TPD52: variants seen among roughly 807,000 people sequenced by gnomAD.
The protein encoded by TPD52 is prostate and colon associated protein.
A neutral mutation model predicts 31.3 loss-of-function variants in TPD52; 17 were observed. The observed-to-expected ratio is 0.54, with a 90% CI of 0.37 to 0.82. TPD52 has a LOEUF of 0.82. Ranked by LOEUF, TPD52 falls within the 40% of genes least tolerant of loss-of-function variation. TPD52 has a pLI of 0.00. For synonymous variants in TPD52, 83 were observed against 89.6 expected, an observed-to-expected ratio of 0.93 and a Z score of 0.42; for missense variants, 212 against 240.1, an observed-to-expected ratio of 0.88 and a Z score of 0.77.
chr8:80,053,874 CA>C, intron 2 of TPD52, among the ~76,000 whole-genome samples: 1 of 152,246 alleles, frequency 6.6e-6, no homozygotes, highest in East Asian at 1.9e-4. Flanking sequence ...CATCCCCTAC[CA>C]AAACACACAC....
intron 1 of TPD52, among the ~76,000 whole-genome samples, chr8:80,072,182 C>A (rs1438922938): frequency 6.6e-6 from 1 of 152,168 alleles, no homozygotes; most frequent in Non-Finnish European, 1.5e-5. Context: ...GTGGCGTGCA[C>A]CTGTAGTCCC....
Position 80,042,632 on chromosome 8 carries a change from G to C in TPD52, c.492C>G (p.Val164=). 1 of 1,609,572 alleles carries C rather than the reference G, an allele frequency of 6.2e-7. No individual in the cohort carries two copies. Among genetic ancestry groups the C allele is most frequent in the Non-Finnish European group, 8.5e-7 (1 of 1,177,526 alleles). The change falls in exon 7 of 8, where the codon GTC becomes GTG. Residue 164 remains valine, a synonymous_variant. Transcript: ENST00000518937. The part of the protein sequence containing the change: ...SPTFKSFEEK[V]ENLKSKVGGT... ...TCTCTCTACTTGCCTTTAAGTTTTC[G>C]ACCTTTTCTTCAAATGATTTAAAAG...
At chr8:80,132,312 T>A (rs182289595) in intron 1 of TPD52, among the ~76,000 whole-genome samples, 6 of 152,254 alleles carry the variant, frequency 3.9e-5, no homozygotes, top group Non-Finnish European at 7.4e-5. Flanking sequence ...CAAAGGCTGG[T>A]GGCCCCAGAG....
intron 1 of TPD52, among the ~76,000 whole-genome samples, chr8:80,151,011 G>C (rs535493187): frequency 1.3e-5 from 2 of 152,290 alleles, no homozygotes; most frequent in East Asian, 3.9e-4. Flanking sequence ...ATCTCATCTT[G>C]AATTGTAGCT....
rs747252624 is a variant in TPD52, at chr8:80,038,109, A to G, written c.*7T>C. On this transcript the variant is annotated 3_prime_UTR_variant, in exon 8 of 8. Transcript: ENST00000518937. The stretch of plus-strand genomic sequence containing the variant: ...TGGCAGTGGGTAGCAGAACAAAGGT[A>G]GGAATCTCACAGGCTCTCCTGTGTC... The G allele has an allele frequency of 1.1e-5, 17 of 1,613,718 alleles. No homozygotes were observed. The South Asian group carries it at 1.8e-4, about 17-fold the overall frequency.
At chr8:80,067,654 A>C (rs1813304573) in intron 1 of TPD52, among the ~76,000 whole-genome samples, 1 of 152,104 alleles carries the variant, frequency 6.6e-6, no homozygotes, top group Non-Finnish European at 1.5e-5. Flanking sequence ...TCAGATTTTA[A>C]ACCTAGACGG....
intron 1 of TPD52, among the ~76,000 whole-genome samples, chr8:80,170,660 C>A (rs1563677935): frequency 6.6e-6 from 1 of 151,248 alleles, no homozygotes; most frequent in African/African-American, 2.4e-5. Context: ...CACACATCTG[C>A]GTACAGTCAC....
chr8:80,095,724 T>A (rs1176872235), intron 1 of TPD52, among the ~76,000 whole-genome samples: 1 of 151,916 alleles, frequency 6.6e-6, no homozygotes, highest in African/African-American at 2.4e-5. Flanking sequence ...GGTGGGAGGA[T>A]CATGAGGTCA....
chr8:80,056,626 T>G (rs1811913403), intron 2 of TPD52, among the ~76,000 whole-genome samples: 1 of 152,110 alleles, frequency 6.6e-6, no homozygotes, highest in Non-Finnish European at 1.5e-5. Context: ...ATTAGTAATT[T>G]GAGAAATGCA....
chr8:80,038,066 G>A lies in TPD52; in HGVS notation c.*50C>T. 1.2e-6 allele frequency: 2 copies of A among 1,602,148 alleles called. No individual in the cohort carries two copies. The highest frequency in any genetic ancestry group is 1.7e-6 in the Non-Finnish European group (2 of 1,171,062). On this transcript the variant is annotated 3_prime_UTR_variant, in exon 8 of 8. Transcript: ENST00000518937. ...AATGCATGTTGACAAGATGTGCTTG[G>A]ACCTCGCTTGCAGCATCTGGCAGTG...
intron 5 of TPD52, among the ~76,000 whole-genome samples, chr8:80,047,465 G>A (rs1810978343): frequency 6.6e-6 from 1 of 152,056 alleles, no homozygotes; most frequent in Admixed American, 6.6e-5. Context: ...ATATCACGTT[G>A]AAGCTTTCAA....
intron 1 of TPD52, among the ~76,000 whole-genome samples, chr8:80,077,272 C>A (rs1323952035): frequency 1.7e-5 from 2 of 117,002 alleles, no homozygotes; most frequent in Non-Finnish European, 1.8e-5. Flanking sequence ...AAGACTCTGT[C>A]TCAAAAAAAA....
rs190658659 is a variant in TPD52, at chr8:80,066,636, G to T, written c.20-2043C>A. On this transcript the variant is annotated intron_variant, in intron 1 of 7. Coordinates refer to ENST00000518937, the MANE Select transcript of TPD52 (RefSeq NM_001025253.3). ...TTCAAAGCAAAGTGTGACCCCTGAG[G>T]TTGGCAGGTAGCCCTTACTGGACCC... Among the ~76,000 whole-genome samples the T allele has an allele frequency of 1.1e-4, 17 of 152,262 alleles. 1 individual carries two copies. Among genetic ancestry groups the T allele is most frequent in the African/African-American group, 3.9e-4 (16 of 41,550 alleles).
chr8:80,151,393 A>C (rs1178100730), intron 1 of TPD52, among the ~76,000 whole-genome samples: 3 of 152,222 alleles, frequency 2.0e-5, no homozygotes, highest in Non-Finnish European at 4.4e-5. Context: ...TAGGCTTAAA[A>C]CTTGAAGAAA....
intron 1 of TPD52, among the ~76,000 whole-genome samples, chr8:80,068,312 C>T (rs1412499516): frequency 6.6e-6 from 1 of 152,102 alleles, no homozygotes; most frequent in Non-Finnish European, 1.5e-5. Flanking sequence ...ATACTTGGGT[C>T]TTTCTGTCTC....
chr8:80,101,499 CTGTT>C (rs1220490049), intron 1 of TPD52, among the ~76,000 whole-genome samples: 1 of 145,510 alleles, frequency 6.9e-6, no homozygotes, highest in Non-Finnish European at 1.5e-5. Context: ...CTGTGTTAAT[CTGTT>C]TGCATTATTA....
chr8:80,058,713 G>T (rs529179509), intron 2 of TPD52, among the ~76,000 whole-genome samples: 1 of 152,220 alleles, frequency 6.6e-6, no homozygotes, highest in South Asian at 2.1e-4. Flanking sequence ...CAGGAGAATC[G>T]CTTGAACCTG....
chr8:80,056,477 G>A (rs1454479223), intron 2 of TPD52, among the ~76,000 whole-genome samples: 1 of 152,080 alleles, frequency 6.6e-6, no homozygotes, highest in African/African-American at 2.4e-5. Flanking sequence ...TAAGAGTCTA[G>A]TATCTAGAAC....
intron 1 of TPD52, among the ~76,000 whole-genome samples, chr8:80,142,190 T>A (rs905661892): frequency 1.6e-4 from 25 of 152,194 alleles, no homozygotes; most frequent in Non-Finnish European, 1.0e-4. Flanking sequence ...CAATTAAGGC[T>A]CATATGCCTG....
Sources: gnomAD v4.1 joint callset for allele counts (sites outside exome capture counted in the v4.1 genomes callset) on GRCh38, gnomAD v4.1.1 for gene constraint, MANE v1.5 for transcripts, NCBI Gene and HGNC (gene_info 2026-07-23, HGNC 2026-07-21) for gene names.